Variants in SLC25A42 observed in about 807,000 individuals in gnomAD.
SLC25A42 encodes the protein mitochondrial coenzyme A transporter SLC25A42.
SLC25A42 carries 19 observed loss-of-function variants against 34.7 expected under a neutral mutation model. That is an observed-to-expected ratio of 0.55 (90% CI 0.38 to 0.80). SLC25A42 has a LOEUF of 0.80. Ranked by LOEUF, SLC25A42 falls within the 30% of genes least tolerant of loss-of-function variation. The pLI is 0.00. For missense variants in SLC25A42, 364 were observed against 441.3 expected (o/e 0.82, Z 1.57); for synonymous variants, 205 against 191.2 (o/e 1.07, Z -0.59).
In SLC25A42 at chr19:19,097,145, G is replaced by A. The variant is rs891709833; in HGVS notation, c.81+940G>A. 3.3e-5 allele frequency among the ~76,000 whole-genome samples: 5 copies of A among 152,142 alleles called. 1 individual carries two copies. The highest frequency in any genetic ancestry group is 3.3e-4 in the Admixed American group (5 of 15,264). ...TCCTCTCAGCTGAACCTGAAACACA[G>A]ACCGACCCAGCCCCACGCAGAAATC... On this transcript the variant is annotated intron_variant, in intron 2 of 7. Transcript: ENST00000318596.
chr19:19,083,849 C>T (rs1241809586), intron 1 of SLC25A42, among the ~76,000 whole-genome samples: 1 of 152,038 alleles, frequency 6.6e-6, no homozygotes, highest in Non-Finnish European at 1.5e-5. Context: ...CCTCTAAATG[C>T]ATCTCCAGGG....
chr19:19,069,013 A>T (rs533663177), intron 1 of SLC25A42, among the ~76,000 whole-genome samples: 3 of 136,126 alleles, frequency 2.2e-5, no homozygotes, highest in East Asian at 4.5e-4. Flanking sequence ...GGTGACAGTG[A>T]GGTTCTGTCT....
Position 19,077,187 on chromosome 19 carries a change from AAAAT to A in SLC25A42, c.-35+13084_-35+13087del, listed in dbSNP as rs1568509369. Among the ~76,000 whole-genome samples the A allele has an allele frequency of 2.0e-5, 3 of 152,208 alleles. 1 individual carries two copies. Among genetic ancestry groups the A allele is most frequent in the South Asian group, 4.1e-4 (2 of 4,832 alleles). On this transcript the variant is annotated intron_variant, in intron 1 of 7. Coordinates refer to ENST00000318596, the MANE Select transcript of SLC25A42 (RefSeq NM_178526.5). ...TGGCAGAGCGAGAGACCCTGTGTCA[AAAAT>A]AAATAAATAAAAAGTGTGGTAAAAT...
At chr19:19,075,467 C>G (rs1234596444) in intron 1 of SLC25A42, among the ~76,000 whole-genome samples, 1 of 152,214 alleles carries the variant, frequency 6.6e-6, no homozygotes, top group East Asian at 1.9e-4. Context: ...CTGGTAGTCA[C>G]CCTTGTGGGG....
chr19:19,068,029 A>AT (rs557296678), intron 1 of SLC25A42, among the ~76,000 whole-genome samples: 133 of 152,228 alleles, frequency 8.7e-4, no homozygotes, highest in African/African-American at 2.9e-3. Flanking sequence ...GTGCATTTGC[A>AT]TTTTTTATTT....
intron 1 of SLC25A42, among the ~76,000 whole-genome samples, chr19:19,091,480 A>C (rs554397095): frequency 8.6e-4 from 131 of 152,234 alleles, no homozygotes; most frequent in South Asian, 7.9e-3. Flanking sequence ...AAAATAAATA[A>C]AAATAAATAA....
chr19:19,070,403 T>C (rs2059623792), intron 1 of SLC25A42, among the ~76,000 whole-genome samples: 1 of 151,332 alleles, frequency 6.6e-6, no homozygotes, highest in South Asian at 2.1e-4. Flanking sequence ...GTTCAAGCCA[T>C]TCTCCTGCCT....
In SLC25A42 at chr19:19,111,250, CAG is replaced by C. The variant is rs2146317970; in HGVS notation, c.*377_*378del. ...TAGTGACCCCTGTCCCCACCAGGCT[CAG>C]AGCCAGACCGCGCCTGGACCTTCTT... On this transcript the variant is annotated 3_prime_UTR_variant, in exon 8 of 8. Coordinates refer to ENST00000318596, the MANE Select transcript of SLC25A42 (RefSeq NM_178526.5). 2 of 282,218 alleles carry C rather than the reference CAG, an allele frequency of 7.1e-6. No homozygotes were observed. Among genetic ancestry groups the C allele is most frequent in the South Asian group, 7.6e-5 (2 of 26,150 alleles). 17.5% of individuals were successfully genotyped at this position (282,218 alleles called of 1,614,324 possible). A position where few individuals can be genotyped will look rare whatever the true frequency, so the allele number is the denominator to read the frequency against.
chr19:19,101,741 C>T (rs1328421124), intron 2 of SLC25A42, 40 bp from the exon 3 acceptor site: 1 of 1,567,998 alleles, frequency 6.4e-7, no homozygotes, highest in Non-Finnish European at 8.7e-7. Context: ...GCGGAGCCGC[C>T]CCCCTGCCCT....
chr19:19,105,499 C>A, intron 4 of SLC25A42, 62 bp from the exon 5 acceptor site: 1 of 1,567,702 alleles, frequency 6.4e-7, no homozygotes, highest in South Asian at 1.2e-5. Flanking sequence ...CTGCTGGTCA[C>A]AGAGGCCCGC....
intron 1 of SLC25A42, among the ~76,000 whole-genome samples, chr19:19,092,561 C>A (rs1212641054): frequency 1.3e-5 from 2 of 152,198 alleles, no homozygotes; most frequent in African/African-American, 4.8e-5. Flanking sequence ...GGTCTGAGGC[C>A]ACAATGCCCT....
At chr19:19,094,288 A>G (rs2145914620) in intron 1 of SLC25A42, among the ~76,000 whole-genome samples, 1 of 152,290 alleles carries the variant, frequency 6.6e-6, no homozygotes, top group African/African-American at 2.4e-5. Context: ...CTTCCCTACC[A>G]TGTACTTACT....
At chr19:19,095,009 A>G (rs1428680323) in intron 1 of SLC25A42, among the ~76,000 whole-genome samples, 1 of 152,132 alleles carries the variant, frequency 6.6e-6, no homozygotes, top group East Asian at 1.9e-4. Context: ...AGCCTGGCCA[A>G]CATGGCAAAA....
chr19:19,071,019 G>C lies in SLC25A42; in HGVS notation c.-35+6904G>C, dbSNP rs1329187349. Among the ~76,000 whole-genome samples, 4 of 141,388 alleles carry C rather than the reference G, an allele frequency of 2.8e-5. No individual in the cohort carries two copies. The Admixed American group carries it at 2.9e-4, about 10-fold the overall frequency. 92.8% of individuals were successfully genotyped at this position (141,388 alleles called of 152,430 possible). ...TTTTTTTTTTTTTTTTTAATACAGG[G>C]TCTCACTTTCTCACTTTGTTGCTGA... On this transcript the variant is annotated intron_variant, in intron 1 of 7. Transcript: ENST00000318596.
Position 19,102,360 on chromosome 19 carries a change from A to T in SLC25A42, c.187+474A>T, listed in dbSNP as rs1450693846. 3.3e-5 allele frequency among the ~76,000 whole-genome samples: 5 copies of T among 152,042 alleles called. No homozygotes were observed. In the East Asian group the frequency reaches 9.6e-4, roughly 29 times the overall value. On this transcript the variant is annotated intron_variant, in intron 3 of 7. Transcript: ENST00000318596. ...AGGCTGGCTTCAAAGTCCTGGGCTC[A>T]AGTGATCCTCCTGCCTAAGCCTCCC...
At chr19:19,086,015 T>G (rs1340616489) in intron 1 of SLC25A42, among the ~76,000 whole-genome samples, 1 of 152,228 alleles carries the variant, frequency 6.6e-6, no homozygotes, top group Non-Finnish European at 1.5e-5. Flanking sequence ...TGGGACCATG[T>G]GCCGTGGAGG....
At chr19:19,069,525 T>C (rs2059618772) in intron 1 of SLC25A42, among the ~76,000 whole-genome samples, 1 of 152,236 alleles carries the variant, frequency 6.6e-6, no homozygotes, top group African/African-American at 2.4e-5. Context: ...TTCTGGAGGC[T>C]CTGAGGGAGT....
In SLC25A42 at chr19:19,110,765, C is replaced by T. The variant is rs1244273133; in HGVS notation, c.846C>T (p.Arg282=). 3.1e-6 allele frequency: 5 copies of T among 1,613,220 alleles called. No homozygotes were observed. In the African/African-American group the frequency reaches 6.7e-5, roughly 22 times the overall value. Residue 282 remains arginine, a synonymous_variant, in exon 8 of 8, where the codon CGC becomes CGT. Coordinates refer to ENST00000318596, the MANE Select transcript of SLC25A42 (RefSeq NM_178526.5). ...TCGTGCGGGAGGAGGGCGCCGTGCG[C>T]GGCCTCTACAAAGGCTTGAGCATGA... is the stretch of plus-strand genomic sequence containing the variant. The part of the protein sequence containing the change: ...RTIVREEGAV[R]GLYKGLSMNW...
chr19:19,110,526 C>G (rs2059857373), intron 7 of SLC25A42, 43 bp from the exon 8 acceptor site: 7 of 1,370,398 alleles, frequency 5.1e-6, no homozygotes, highest in Non-Finnish European at 6.6e-6. Context: ...GGTGCGCGCC[C>G]CCTCGCGGCG....
Sources: allele counts gnomAD v4.1 joint callset (sites outside exome capture counted in the v4.1 genomes callset), GRCh38; gene constraint gnomAD v4.1.1; transcripts MANE v1.5; gene names NCBI Gene and HGNC (gene_info 2026-07-23, HGNC 2026-07-21).